Variants in KCP observed in about 807,000 individuals in gnomAD.
KCP encodes the protein kielin cysteine rich BMP regulator.
KCP carries 194 observed loss-of-function variants against 212.7 expected under a neutral mutation model. That is an observed-to-expected ratio of 0.91 (90% CI 0.81 to 1.03). The LOEUF is 1.03. Among genes scored for constraint, KCP ranks in the 50% least tolerant of loss-of-function variants. The probability of loss-of-function intolerance (pLI) is 0.00; values close to 1 mark genes in which losing one functional copy is unlikely to be tolerated. For synonymous variants in KCP, 833 were observed against 865.3 expected (o/e 0.96, Z 0.65); for missense variants, 2,080 against 2,162.5 (o/e 0.96, Z 0.76).
chr7:128,879,180 C>A, intron 37 of KCP: 1 of 382,548 alleles, frequency 2.6e-6, no homozygotes, highest in Admixed American at 4.1e-5. Flanking sequence ...TGGAAGGAAC[C>A]TGAGACACCC....
At chr7:128,908,275 A>AAAGAAAGAAAGT (rs1795252687) in intron 2 of KCP, 151 bp downstream of exon 2, 1 of 531,782 alleles carries the variant, frequency 1.9e-6, no homozygotes, top group African/African-American at 2.0e-5. Context: ...AGAAAGAAAG[A>AAAGAAAGAAAGT]AAGAAAGAAA....
intron 7 of KCP, 40 bp downstream of exon 7, chr7:128,903,687 C>T: frequency 6.8e-7 from 1 of 1,470,786 alleles, no homozygotes; most frequent in East Asian, 2.5e-5. Flanking sequence ...GCACGACAAC[C>T]TACCTGTGGC....
Position 128,894,144 on chromosome 7 carries a change from C to T in KCP, c.925+56G>A, listed in dbSNP as rs989739145. 3 of 1,508,788 alleles carry T rather than the reference C, an allele frequency of 2.0e-6. No homozygotes were observed. In the African/African-American group the frequency reaches 4.2e-5, roughly 21 times the overall value. The allele number at this position is 1,508,788 out of a possible 1,614,324, so 93.5% of individuals were successfully genotyped here. ...TGGGCCCCCGAGCAGGGCCACCCAT[C>T]AATTTTCTCCAGGTTGCCCACCATG... On this transcript the variant is annotated intron_variant, in intron 9 of 39. Transcript: ENST00000610776.
chr7:128,879,875 T>C (rs1228324608), intron 35 of KCP, 38 bp downstream of exon 35: 6 of 1,550,748 alleles, frequency 3.9e-6, no homozygotes, highest in Non-Finnish European at 5.2e-6. Flanking sequence ...CAGGGCTGGG[T>C]GTAGGGGTTG....
chr7:128,882,087 T>C, intron 29 of KCP, 71 bp from the exon 30 acceptor site: 1 of 1,185,506 alleles, frequency 8.4e-7, no homozygotes, highest in South Asian at 1.3e-5. Flanking sequence ...GCTGTCCCCA[T>C]GCACTGTGTC....
chr7:128,907,159 T>C lies in KCP; in HGVS notation c.428A>G (p.Gln143Arg). The change falls in exon 4 of 40, where the codon CAG (glutamine) becomes CGG (arginine). Residue 143 changes from glutamine (Q) to arginine (R), a missense_variant. Transcript: ENST00000610776. Reference sequence around the variant, plus strand: ...GAAGGTCTCCCCGTTGCCGTAGGTCTGGCCATTTTGGCTGCAGCCTAAGGA... The same window carrying C: ...GAAGGTCTCCCCGTTGCCGTAGGTCCGGCCATTTTGGCTGCAGCCTAAGGA... ...PHCRGCSQNG[Q>R]TYGNGETFSP... 1 of 1,551,544 alleles carries C rather than the reference T, an allele frequency of 6.4e-7. No homozygotes were observed. Among genetic ancestry groups the C allele is most frequent in the East Asian group, 2.4e-5 (1 of 40,916 alleles).
intron 8 of KCP, among the ~76,000 whole-genome samples, chr7:128,895,135 A>G (rs1794437244): frequency 6.6e-6 from 1 of 152,158 alleles, no homozygotes; most frequent in Non-Finnish European, 1.5e-5. Flanking sequence ...GTGAGAGAAT[A>G]TATTTACATT....
rs1794817618 is a variant in KCP at position 128,901,104 on chromosome 7, G to A, written c.831+1673C>T. Among the ~76,000 whole-genome samples, 6 of 152,312 alleles carry A rather than the reference G, an allele frequency of 3.9e-5. No homozygotes were observed. In the South Asian group the frequency reaches 1.2e-3, roughly 32 times the overall value. ...CACCAAAACCAAGATGGCGACGAGA[G>A]TGACCTCTGGTTGTCCTCACTGCTA... On this transcript the variant is annotated intron_variant, in intron 8 of 39. Transcript: ENST00000610776.
chr7:128,886,856 G>T lies in KCP; in HGVS notation c.2689+20C>A, dbSNP rs776740398. ...AGGCGGGGAAGGGCATGGGGGCCGCGCATGAGGAAGGCAGCTCACTGTGGC... is the reference window on the plus strand; with the variant it reads ...AGGCGGGGAAGGGCATGGGGGCCGCTCATGAGGAAGGCAGCTCACTGTGGC... On this transcript the variant is annotated intron_variant, in intron 24 of 39. Transcript: ENST00000610776. The T allele has an allele frequency of 6.8e-7, 1 of 1,473,018 alleles. No homozygotes were observed. Among genetic ancestry groups the T allele is most frequent in the Middle Eastern group, 1.7e-4 (1 of 5,794 alleles). The allele number at this position is 1,473,018 out of a possible 1,614,324, so 91.2% of individuals were successfully genotyped here. A position where few individuals can be genotyped will look rare whatever the true frequency, so the allele number is the denominator to read the frequency against.
chr7:128,888,427 TACACAC>T (rs571747124), intron 22 of KCP, among the ~76,000 whole-genome samples: 1 of 52,300 alleles, frequency 1.9e-5, no homozygotes, highest in Non-Finnish European at 4.2e-5. Flanking sequence ...CAGCAACACA[TACACAC>T]ACATATACAC....
chr7:128,903,073 C>T (rs1213276643), intron 7 of KCP: 20 of 593,802 alleles, frequency 3.4e-5, no homozygotes, highest in East Asian at 2.0e-4. Context: ...TCTGGTCTTC[C>T]GTGGACAGAG....
rs769387720 is a variant in KCP at position 128,891,751 on chromosome 7, C to T, written c.1690G>A (p.Glu564Lys). Reference sequence around the variant, plus strand: ...GCATGGCCTTCCTGGCATCGGCACTCCTGGCAGGGGTCTCGGGGGTGGGAG... The same window carrying T: ...GCATGGCCTTCCTGGCATCGGCACTTCTGGCAGGGGTCTCGGGGGTGGGAG... Reference protein sequence around the residue: ...SFSHPRDPCQECRCQEGHAHC... With the variant: ...SFSHPRDPCQKCRCQEGHAHC... Residue 564 changes from glutamate (E) to lysine (K), a missense_variant, in exon 17 of 40, where the codon GAG becomes AAG. Glu to Lys is a moderately conservative substitution (Grantham distance 56). Coordinates refer to ENST00000610776, the MANE Select transcript of KCP (RefSeq NM_001366122.1). 1.0e-5 allele frequency: 15 copies of T among 1,444,692 alleles called. No individual in the cohort carries two copies. Among genetic ancestry groups the T allele is most frequent in the Non-Finnish European group, 1.4e-5 (15 of 1,096,970 alleles). 89.5% of individuals were successfully genotyped at this position (1,444,692 alleles called of 1,614,324 possible).
intron 8 of KCP, among the ~76,000 whole-genome samples, chr7:128,895,758 A>G (rs1219706722): frequency 1.3e-5 from 2 of 152,212 alleles, no homozygotes; most frequent in Admixed American, 1.3e-4. Context: ...CTACACTCCC[A>G]TCAGTGCCAA....
intron 29 of KCP, among the ~76,000 whole-genome samples, 163 bp downstream of exon 29, chr7:128,883,839 C>G (rs938340871): frequency 5.3e-5 from 8 of 152,224 alleles, no homozygotes; most frequent in Admixed American, 6.5e-5. Context: ...GTCAGCTTCC[C>G]CAGTTCCCTT....
Position 128,891,037 on chromosome 7 carries a change from ACTC to A in KCP, c.2029_2031del (p.Glu677del). Reference sequence around the variant, plus strand: ...CAGGGATCGCCGGGCGGGGAGAAGTACTCCTGGTGGCGGGCGTGGGCCGCGCCG... The same window carrying A: ...CAGGGATCGCCGGGCGGGGAGAAGTACTGGTGGCGGGCGTGGGCCGCGCCG... On this transcript the variant is annotated inframe_deletion, in exon 20 of 40. Coordinates refer to ENST00000610776, the MANE Select transcript of KCP (RefSeq NM_001366122.1). 1 of 1,366,592 alleles carries A rather than the reference ACTC, an allele frequency of 7.3e-7. No individual in the cohort carries two copies. Among genetic ancestry groups the A allele is most frequent in the African/African-American group, 1.6e-5 (1 of 63,414 alleles). The allele number at this position is 1,366,592 out of a possible 1,614,324, so 84.7% of individuals were successfully genotyped here.
intron 2 of KCP, among the ~76,000 whole-genome samples, chr7:128,907,985 C>T (rs563947818): frequency 6.6e-6 from 1 of 151,660 alleles, no homozygotes; most frequent in African/African-American, 2.4e-5. Context: ...AAAAATTAGC[C>T]GGGTATGGTG....
intron 5 of KCP, 129 bp from the exon 6 acceptor site, chr7:128,904,267 A>ACAGGG (rs1795011402): frequency 6.4e-7 from 1 of 1,550,482 alleles, no homozygotes; most frequent in African/African-American, 1.4e-5. Flanking sequence ...GCAGGGCAGG[A>ACAGGG]CAGGGCAGGA....
chr7:128,890,758 A>T (rs1181822233), intron 20 of KCP, 147 bp downstream of exon 20: 2 of 848,692 alleles, frequency 2.4e-6, no homozygotes, highest in Non-Finnish European at 3.5e-6. Context: ...GCTGGCTCCC[A>T]GGCCATGCTG....
intron 28 of KCP, among the ~76,000 whole-genome samples, chr7:128,884,425 C>A (rs988623805): frequency 7.2e-5 from 11 of 152,200 alleles, no homozygotes; most frequent in Admixed American, 7.2e-4. Context: ...AGTACCCTGA[C>A]CTGTGATGTC....
Sources: gnomAD v4.1 joint callset for allele counts (sites outside exome capture counted in the v4.1 genomes callset) on GRCh38, gnomAD v4.1.1 for gene constraint, MANE v1.5 for transcripts, NCBI Gene and HGNC (gene_info 2026-07-23, HGNC 2026-07-21) for gene names.